ATP1A4: variants seen among roughly 807,000 people sequenced by gnomAD.
The protein encoded by ATP1A4 is ATPase Na+/K+ transporting subunit alpha 4, also known as sodium/potassium-transporting ATPase subunit alpha-4.
In ATP1A4, 90 loss-of-function variants were observed where a neutral mutation model predicts 114.3. That is an observed-to-expected ratio of 0.79 (90% CI 0.66 to 0.94). The LOEUF (loss-of-function observed/expected upper bound fraction) is 0.94. Ranked by LOEUF, ATP1A4 falls within the 40% of genes least tolerant of loss-of-function variation. The pLI is 0.00. For missense variants in ATP1A4, 1,222 were observed against 1,313.6 expected, an observed-to-expected ratio of 0.93 and a Z score of 1.08; for synonymous variants, 511 against 494.1, an observed-to-expected ratio of 1.03 and a Z score of -0.45.
chr1:160,184,361 C>A (rs1201046418), intron 20 of ATP1A4, among the ~76,000 whole-genome samples: 1 of 151,986 alleles, frequency 6.6e-6, no homozygotes, highest in Non-Finnish European at 1.5e-5. Flanking sequence ...GCCTGTACAA[C>A]AAAGTGAGAC....
rs1351998396 is a variant in ATP1A4 at position 160,155,652 on chromosome 1, GA to G, written c.412-388del. ...GTTCCCTGAGGTGCACAATGTCCCCGAAAAACTTGCTGTTCTTTGATGACCT... is the reference window on the plus strand; with the variant it reads ...GTTCCCTGAGGTGCACAATGTCCCCGAAAACTTGCTGTTCTTTGATGACCT... On this transcript the variant is annotated intron_variant, in intron 3 of 21. Transcript: ENST00000368081. Among the ~76,000 whole-genome samples, 5 of 152,142 alleles carry G rather than the reference GA, an allele frequency of 3.3e-5. No homozygotes were observed. The East Asian group carries it at 9.7e-4, about 29-fold the overall frequency.
At chr1:160,154,201 A>G (rs1453024805) in intron 2 of ATP1A4, among the ~76,000 whole-genome samples, 1 of 152,136 alleles carries the variant, frequency 6.6e-6, no homozygotes, top group Non-Finnish European at 1.5e-5. Flanking sequence ...TAAAAATACA[A>G]AAATTATCCT....
At position 160,167,014 on chromosome 1, in the gene ATP1A4, A is replaced by G; in HGVS notation, c.1293A>G (p.Arg431=). Residue 431 remains arginine, a synonymous_variant, in exon 9 of 22, where the codon CGA becomes CGG. Transcript: ENST00000368081. ...CTGATACCTGGTTTATGCTGGCCCG[A>G]ATCGCTGGCCTCTGCAACCGGGCTG... ...KSSDTWFMLA[R]IAGLCNRADF... is the part of the protein sequence containing the mutation. The G allele has an allele frequency of 6.2e-7, 1 of 1,614,198 alleles. No homozygotes were observed. The highest frequency in any genetic ancestry group is 8.5e-7 in the Non-Finnish European group (1 of 1,180,036).
At chr1:160,158,810 A>T (rs546634069) in intron 4 of ATP1A4, among the ~76,000 whole-genome samples, 192 bp from the exon 5 acceptor site, 1 of 152,312 alleles carries the variant, frequency 6.6e-6, no homozygotes, top group Non-Finnish European at 1.5e-5. Context: ...TCAAAGTCAC[A>T]TTGCAAAGGG....
chr1:160,180,478 C>T (rs1653643721), intron 18 of ATP1A4, among the ~76,000 whole-genome samples: 1 of 152,292 alleles, frequency 6.6e-6, no homozygotes, highest in South Asian at 2.1e-4. Flanking sequence ...TCTCTCATAA[C>T]CTGTCTATTG....
rs750653219 is a variant in ATP1A4, at chr1:160,159,473, AGAACCCTCTGGAGACCC to A, written c.729_745del (p.Asn243LysfsTer47). 1.5e-4 allele frequency: 247 copies of A among 1,613,976 alleles called. 1 individual carries two copies. The South Asian group carries it at 2.3e-3, about 15-fold the overall frequency. On this transcript the variant is annotated frameshift_variant, in exon 6 of 22. Coordinates refer to ENST00000368081, the MANE Select transcript of ATP1A4 (RefSeq NM_144699.4). LOFTEE classifies it high-confidence loss of function. ...AGCCGCTCCCCTGACTTCACCCATG[AGAACCCTCTGGAGACCC>A]GAAACATCTGCTTCTTTTCCACCAA... is the stretch of plus-strand genomic sequence containing the variant.
In ATP1A4 at chr1:160,174,693, G is replaced by A. The variant is rs750851195; in HGVS notation, c.2257G>A (p.Asp753Asn). The A allele has an allele frequency of 3.3e-5, 54 of 1,614,058 alleles. No homozygotes were observed. The highest frequency in any genetic ancestry group is 5.0e-5 in the Admixed American group (3 of 60,004). ...CTCTGACGTCTCTAAGCAGGCAGCC[G>A]ACATGATCCTGCTGGATGACAACTT... ...SGSDVSKQAA[D>N]MILLDDNFAS... Residue 753 changes from aspartate to asparagine, a missense_variant, in exon 15 of 22, where the codon GAC (aspartate) becomes AAC (asparagine). Asp to Asn is a conservative substitution (Grantham distance 23). Coordinates refer to ENST00000368081, the MANE Select transcript of ATP1A4 (RefSeq NM_144699.4).
At chr1:160,167,192 T>G in intron 9 of ATP1A4, 86 bp from the exon 10 acceptor site, 2 of 1,564,414 alleles carry the variant, frequency 1.3e-6, no homozygotes, top group South Asian at 1.2e-5. Flanking sequence ...CCCTCCCCAT[T>G]TGTCCCCTCT....
chr1:160,172,003 A>T (rs60851466), intron 12 of ATP1A4, among the ~76,000 whole-genome samples: 1,764 of 152,314 alleles, frequency 0.012, 35 homozygotes, highest in African/African-American at 0.04. Flanking sequence ...GACCGATTTA[A>T]TTAGAAACTC....
chr1:160,174,635 G>T lies in ATP1A4; in HGVS notation c.2199G>T (p.Lys733Asn). Residue 733 changes from lysine to asparagine, a missense_variant, in exon 15 of 22, where the codon AAG becomes AAT. By Grantham distance (94) the Lys-to-Asn change is moderately conservative (BLOSUM62 0). Coordinates refer to ENST00000368081, the MANE Select transcript of ATP1A4 (RefSeq NM_144699.4). Reference sequence around the variant, plus strand: ...TGAACGACTCCCCTGCGCTGAAGAAGGCTGACATTGGCATTGCCATGGGCA... The same window carrying T: ...TGAACGACTCCCCTGCGCTGAAGAATGCTGACATTGGCATTGCCATGGGCA... ...DGVNDSPALK[K>N]ADIGIAMGIS... The T allele has an allele frequency of 1.2e-6, 2 of 1,614,206 alleles. No individual in the cohort carries two copies. The highest frequency in any genetic ancestry group is 1.7e-6 in the Non-Finnish European group (2 of 1,180,036).
intron 16 of ATP1A4, 40 bp from the exon 17 acceptor site, chr1:160,176,439 A>T (rs1653466768): frequency 6.2e-7 from 1 of 1,613,248 alleles, no homozygotes; most frequent in Non-Finnish European, 8.5e-7. Context: ...TTTCCTTCTG[A>T]ACTTTGTGAC....
rs1311145981 is a variant in ATP1A4 at position 160,153,212 on chromosome 1, G to A, written c.195G>A (p.Val65=). 4 of 1,613,698 alleles carry A rather than the reference G, an allele frequency of 2.5e-6. No individual in the cohort carries two copies. The highest frequency in any genetic ancestry group is 3.4e-6 in the Non-Finnish European group (4 of 1,179,850). The change falls in exon 2 of 22, where the codon GTG becomes GTA. Residue 65 remains valine (V), a synonymous_variant. Coordinates refer to ENST00000368081, the MANE Select transcript of ATP1A4 (RefSeq NM_144699.4). ...AAGAGCTGAGCACCAAGTACTCCGTGGACCTGACAAAGGTGAGTAAGAAGC... is the reference window on the plus strand; with the variant it reads ...AAGAGCTGAGCACCAAGTACTCCGTAGACCTGACAAAGGTGAGTAAGAAGC... ...TLEELSTKYS[V]DLTKGHSHQR... is the part of the protein sequence containing the mutation.
At chr1:160,177,058 A>C (rs540657133) in intron 17 of ATP1A4, among the ~76,000 whole-genome samples, 104 of 152,300 alleles carry the variant, frequency 6.8e-4, no homozygotes, top group African/African-American at 2.3e-3. Context: ...AGTCTTTATA[A>C]AGTAGTGAAA....
intron 2 of ATP1A4, among the ~76,000 whole-genome samples, chr1:160,153,652 G>C (rs972877936): frequency 6.6e-6 from 1 of 152,096 alleles, no homozygotes; most frequent in African/African-American, 2.4e-5. Context: ...TATATGTTTT[G>C]ACAAATAACT....
Position 160,176,161 on chromosome 1 carries a change from C to A in ATP1A4, c.2381C>A (p.Thr794Lys), listed in dbSNP as rs140130981. 1 of 1,614,130 alleles carries A rather than the reference C, an allele frequency of 6.2e-7. No homozygotes were observed. Among genetic ancestry groups the A allele is most frequent in the South Asian group, 1.1e-5 (1 of 91,080 alleles). Residue 794 changes from threonine to lysine, a missense_variant, in exon 16 of 22, where the codon ACG becomes AAG. By Grantham distance (78) the Thr-to-Lys change is moderately conservative. Coordinates refer to ENST00000368081, the MANE Select transcript of ATP1A4 (RefSeq NM_144699.4). ...YTLTSNIPEI[T>K]PFLMFIILGI... is the part of the protein sequence containing the mutation. The stretch of plus-strand genomic sequence containing the variant: ...CTGACCAGCAACATCCCCGAGATCA[C>A]GCCCTTCCTGATGTTCATCATCCTC...
chr1:160,151,987 T>C lies in ATP1A4; in HGVS notation c.-54T>C. 6.4e-7 allele frequency: 1 copy of C among 1,574,696 alleles called. No homozygotes were observed. Among genetic ancestry groups the C allele is most frequent in the South Asian group, 1.2e-5 (1 of 85,206 alleles). On this transcript the variant is annotated 5_prime_UTR_variant, in exon 1 of 22. Coordinates refer to ENST00000368081, the MANE Select transcript of ATP1A4 (RefSeq NM_144699.4). The stretch of plus-strand genomic sequence containing the variant: ...CCCTCTTCCCTTCCCCTTGCCTCAC[T>C]CTCTCAGCTTTCTTCCCACAGTTGA...
intron 10 of ATP1A4, 183 bp from the exon 11 acceptor site, chr1:160,171,068 T>A: frequency 1.9e-6 from 1 of 532,788 alleles, no homozygotes; most frequent in Non-Finnish European, 3.3e-6. Flanking sequence ...CAGGCTGCAG[T>A]TTTCTGGAAA....
chr1:160,174,514 T>A lies in ATP1A4; in HGVS notation c.2143-65T>A. 6.3e-6 allele frequency: 10 copies of A among 1,574,840 alleles called. No homozygotes were observed. In the South Asian group the frequency reaches 8.3e-5, roughly 13 times the overall value. On this transcript the variant is annotated intron_variant, in intron 14 of 21. Coordinates refer to ENST00000368081, the MANE Select transcript of ATP1A4 (RefSeq NM_144699.4). ...ACAAGGGATGCAGAAAGCGTACTGA[T>A]CTTTGGGACTAGTTCTGGATCTGAT...
At chr1:160,175,115 G>A (rs1341966224) in intron 15 of ATP1A4, among the ~76,000 whole-genome samples, 3 of 152,066 alleles carry the variant, frequency 2.0e-5, no homozygotes, top group Admixed American at 6.5e-5. Flanking sequence ...CAATCTTTAG[G>A]AGGGTCCCCT....
Sources: allele counts gnomAD v4.1 joint callset (sites outside exome capture counted in the v4.1 genomes callset), GRCh38; gene constraint gnomAD v4.1.1; transcripts MANE v1.5; gene names NCBI Gene and HGNC (gene_info 2026-07-23, HGNC 2026-07-21).